Variants in ZNF285 observed in about 807,000 individuals in gnomAD.
The protein encoded by ZNF285 is zinc finger protein 285, also known as zinc finger protein 285A.
A neutral mutation model predicts 6.2 loss-of-function variants in ZNF285; 4 were observed. The observed-to-expected ratio is 0.65, with a 90% CI of 0.32 to 1.49. The LOEUF is 1.49. Among genes scored for constraint, ZNF285 ranks in the 40% most tolerant of loss-of-function variants. The pLI, the probability that ZNF285 is intolerant of heterozygous loss-of-function variation, is 0.07. For synonymous variants in ZNF285, 240 were observed against 245.8 expected (o/e 0.98, Z 0.22); for missense variants, 695 against 708.8 (o/e 0.98, Z 0.22).
At position 44,387,981 on chromosome 19, in the gene ZNF285, C is replaced by T. The variant is rs1372487969; in HGVS notation, c.264G>A (p.Gln88=). 1 of 1,614,050 alleles carries T rather than the reference C, an allele frequency of 6.2e-7. No individual in the cohort carries two copies. Among genetic ancestry groups the T allele is most frequent in the African/African-American group, 1.3e-5 (1 of 74,920 alleles). ...CTTCTTGAAGGTTCACGATATAATC[C>T]TGACTCACAGTTAAATCCCGGATCC... is the stretch of plus-strand genomic sequence containing the variant. ...KQRIRDLTVS[Q]DYIVNLQEEC... The change falls in exon 4 of 4, where the codon CAG becomes CAA. Residue 88 remains glutamine, a synonymous_variant. Transcript: ENST00000614994.
At chr19:44,391,168 A>T (rs1174427757) in intron 3 of ZNF285, among the ~76,000 whole-genome samples, 1 of 151,204 alleles carries the variant, frequency 6.6e-6, no homozygotes, top group African/African-American at 2.4e-5. Context: ...AAAAAAAAAA[A>T]GATTTCCCTG....
At chr19:44,401,246 C>T (rs1438779812) in intron 1 of ZNF285, among the ~76,000 whole-genome samples, 1 of 152,168 alleles carries the variant, frequency 6.6e-6, no homozygotes, top group East Asian at 1.9e-4. Flanking sequence ...GATGCACATC[C>T]CAAGACTGAC....
intron 2 of ZNF285, among the ~76,000 whole-genome samples, chr19:44,395,083 C>G (rs1457671476): frequency 6.6e-6 from 1 of 152,182 alleles, no homozygotes; most frequent in Non-Finnish European, 1.5e-5. Flanking sequence ...ACCCTTGTAG[C>G]TGGATGGATC....
At chr19:44,389,021 A>G (rs1167330349) in intron 3 of ZNF285, among the ~76,000 whole-genome samples, 1 of 147,512 alleles carries the variant, frequency 6.8e-6, no homozygotes, top group Admixed American at 6.8e-5. Context: ...CCTCTGAGAC[A>G]AGCTTTAAGA....
intron 3 of ZNF285, chr19:44,392,075 T>C (rs73039963): frequency 0.015 from 13,625 of 910,374 alleles, 184 homozygotes; most frequent in African/African-American, 0.065. Context: ...AATGTGTGAG[T>C]AGGGGAGGGA....
rs1264713077 is a variant in ZNF285, at chr19:44,385,764, A to G, written c.*708T>C. 1 of 152,232 alleles carries G rather than the reference A, an allele frequency of 6.6e-6. No individual in the cohort carries two copies. The highest frequency in any genetic ancestry group is 1.5e-5 in the Non-Finnish European group (1 of 68,048). The allele number at this position is 152,232 out of a possible 1,614,324, so 9.4% of individuals were successfully genotyped here. On this transcript the variant is annotated 3_prime_UTR_variant, in exon 4 of 4. Coordinates refer to ENST00000614994, the MANE Select transcript of ZNF285 (RefSeq NM_152354.6). ...AGCCTCCAAGGTCACCTTGGCAGGG[A>G]TAGAGAAGCCTGAGGATGTTTGTAA...
chr19:44,391,853 A>T (rs1166592521), intron 3 of ZNF285, among the ~76,000 whole-genome samples: 1 of 152,124 alleles, frequency 6.6e-6, no homozygotes, highest in Admixed American at 6.5e-5. Flanking sequence ...ATAAGCCAAC[A>T]CTTAGATTAC....
At position 44,392,441 on chromosome 19, in the gene ZNF285, G is replaced by T; in HGVS notation, c.41C>A (p.Ala14Asp). The T allele has an allele frequency of 6.2e-7, 1 of 1,613,838 alleles. No individual in the cohort carries two copies. Among genetic ancestry groups the T allele is most frequent in the Non-Finnish European group, 8.5e-7 (1 of 1,179,830 alleles). Residue 14 changes from alanine to aspartate, a missense_variant, in exon 3 of 4, where the codon GCT becomes GAT. Physicochemically the swap from Ala to Asp is moderately radical, Grantham distance 126. Transcript: ENST00000614994. ...FQERVTFKDVAVVFTKEELAL... is the reference protein window; with the variant it reads ...FQERVTFKDVDVVFTKEELAL... ...CAGCTCTTCCTTGGTGAAGACAACAGCCACATCCTTGAATGTCACCCTTTC... is the reference window on the plus strand; with the variant it reads ...CAGCTCTTCCTTGGTGAAGACAACATCCACATCCTTGAATGTCACCCTTTC...
rs774827964 is a variant in ZNF285, at chr19:44,387,341, C to G, written c.904G>C (p.Asp302His). ...EWPMGCKQSS[D>H]LPRYQKVSSG... is the part of the protein sequence containing the mutation. The stretch of plus-strand genomic sequence containing the variant: ...GAGACTTTCTGATATCTGGGAAGGT[C>G]TGAGCTCTGTTTGCAGCCCATAGGC... Residue 302 changes from aspartate to histidine, a missense_variant, in exon 4 of 4, where the codon GAC becomes CAC. Coordinates refer to ENST00000614994, the MANE Select transcript of ZNF285 (RefSeq NM_152354.6). 76 of 1,614,052 alleles carry G rather than the reference C, an allele frequency of 4.7e-5. 1 individual carries two copies. The highest frequency in any genetic ancestry group is 1.5e-4 in the Admixed American group (9 of 59,996).
chr19:44,393,643 T>G (rs985326728), intron 2 of ZNF285, among the ~76,000 whole-genome samples: 4 of 152,180 alleles, frequency 2.6e-5, no homozygotes, highest in African/African-American at 4.8e-5. Context: ...AGATCCCATT[T>G]GTCAATTTTG....
Position 44,387,285 on chromosome 19 carries a change from T to G in ZNF285, c.960A>C (p.Glu320Asp). The G allele has an allele frequency of 6.2e-7, 1 of 1,614,158 alleles. No homozygotes were observed. Among genetic ancestry groups the G allele is most frequent in the Non-Finnish European group, 8.5e-7 (1 of 1,180,028 alleles). ...AGCTGCGCCTGAAGCCCTTGCCACA[T>G]TCTTTACATTTGTAGGGTTTGTCTC... ...SSGDKPYKCK[E>D]CGKGFRRSSS... Residue 320 changes from glutamate to aspartate, a missense_variant, in exon 4 of 4, where the codon GAA becomes GAC. Glu to Asp is a conservative substitution (Grantham distance 45, BLOSUM62 2). Transcript: ENST00000614994.
chr19:44,393,923 G>T (rs1157742974), intron 2 of ZNF285, among the ~76,000 whole-genome samples: 1 of 152,036 alleles, frequency 6.6e-6, no homozygotes, highest in Admixed American at 6.5e-5. Flanking sequence ...TATACCCAAA[G>T]GATTATAAAT....
At position 44,387,055 on chromosome 19, in the gene ZNF285, T is replaced by C. The variant is rs779574873; in HGVS notation, c.1190A>G (p.Glu397Gly). ...ACACTCACTGCATTTGTAGGGCTTCTCTCCAGTGTGGACTCTCTGATGGAC... is the reference window on the plus strand; with the variant it reads ...ACACTCACTGCATTTGTAGGGCTTCCCTCCAGTGTGGACTCTCTGATGGAC... ...LLVHQRVHTG[E>G]KPYKCSECGK... Residue 397 changes from glutamate (E) to glycine (G), a missense_variant, in exon 4 of 4, where the codon GAG becomes GGG. Transcript: ENST00000614994. 2 of 1,614,156 alleles carry C rather than the reference T, an allele frequency of 1.2e-6. No individual in the cohort carries two copies. The highest frequency in any genetic ancestry group is 1.7e-6 in the Non-Finnish European group (2 of 1,180,016).
Position 44,397,210 on chromosome 19 carries a change from T to C in ZNF285, c.4A>G (p.Ile2Val), listed in dbSNP as rs1971295604. 1 of 1,613,924 alleles carries C rather than the reference T, an allele frequency of 6.2e-7. No homozygotes were observed. The highest frequency in any genetic ancestry group is 1.3e-5 in the African/African-American group (1 of 74,980). MIKFQERVTFKD... is the reference protein window; with the variant it reads MVKFQERVTFKD... ...AACCCTTAACTTACCTGGAACTTAA[T>C]CATACCGTCTTCCTTTTGGAAAGGG... is the stretch of plus-strand genomic sequence containing the variant. The change falls in exon 2 of 4, where the codon ATT becomes GTT. Residue 2 changes from isoleucine to valine, a missense_variant. Physicochemically the swap from Ile to Val is conservative, Grantham distance 29 (BLOSUM62 3). Coordinates refer to ENST00000614994, the MANE Select transcript of ZNF285 (RefSeq NM_152354.6).
chr19:44,387,261 G>A lies in ZNF285; in HGVS notation c.984C>T (p.Ser328=). The A allele has an allele frequency of 6.2e-7, 1 of 1,614,100 alleles. No homozygotes were observed. Among genetic ancestry groups the A allele is most frequent in the Non-Finnish European group, 8.5e-7 (1 of 1,179,998 alleles). The change falls in exon 4 of 4, where the codon AGC becomes AGT. Residue 328 remains serine, a synonymous_variant. Coordinates refer to ENST00000614994, the MANE Select transcript of ZNF285 (RefSeq NM_152354.6). ...CKECGKGFRR[S]SSLHNHHRVH... ...CTCGATGATGGTTGTGAAGGGAAGA[G>A]CTGCGCCTGAAGCCCTTGCCACATT...
rs1971212448 is a variant in ZNF285, at chr19:44,392,424, C to T, written c.58G>A (p.Glu20Lys). 3 of 1,613,816 alleles carry T rather than the reference C, an allele frequency of 1.9e-6. No individual in the cohort carries two copies. The highest frequency in any genetic ancestry group is 2.5e-6 in the Non-Finnish European group (3 of 1,179,826). The change falls in exon 3 of 4, where the codon GAA becomes AAA. Residue 20 changes from glutamate (E) to lysine (K), a missense_variant. Coordinates refer to ENST00000614994, the MANE Select transcript of ZNF285 (RefSeq NM_152354.6). ...FKDVAVVFTK[E>K]ELALLDKAQI... ...GCTTTATCCAATAGTGCCAGCTCTTCCTTGGTGAAGACAACAGCCACATCC... is the reference window on the plus strand; with the variant it reads ...GCTTTATCCAATAGTGCCAGCTCTTTCTTGGTGAAGACAACAGCCACATCC...
chr19:44,399,452 C>A (rs941615301), intron 1 of ZNF285, among the ~76,000 whole-genome samples: 1 of 144,244 alleles, frequency 6.9e-6, no homozygotes, highest in Non-Finnish European at 1.5e-5. Flanking sequence ...AGGATCTTAT[C>A]ATTTAACAAG....
rs4081937 is a variant in ZNF285 at position 44,383,596 on chromosome 19, T to C, written c.*2876A>G. On this transcript the variant is annotated 3_prime_UTR_variant, in exon 4 of 4. Transcript: ENST00000614994. Reference sequence around the variant, plus strand: ...ACCAGAACTGCCCAGCTAAGCCCAGTTGAACTTGCCAGCTCACACATCATG... The same window carrying C: ...ACCAGAACTGCCCAGCTAAGCCCAGCTGAACTTGCCAGCTCACACATCATG... 6.6e-6 allele frequency: 1 copy of C among 152,092 alleles called. No individual in the cohort carries two copies. Among genetic ancestry groups the C allele is most frequent in the Non-Finnish European group, 1.5e-5 (1 of 67,968 alleles). 9.4% of individuals were successfully genotyped at this position (152,092 alleles called of 1,614,324 possible).
rs551725749 is a variant in ZNF285, at chr19:44,388,767, G to A, written c.143-665C>T. 1.7e-4 allele frequency among the ~76,000 whole-genome samples: 25 copies of A among 144,466 alleles called. No individual in the cohort carries two copies. In the South Asian group the frequency reaches 3.6e-3, roughly 21 times the overall value. The allele number at this position is 144,466 out of a possible 152,430, so 94.8% of individuals were successfully genotyped here. A position where few individuals can be genotyped will look rare whatever the true frequency, so the allele number is the denominator to read the frequency against. ...TTGATGGAGTGTTTTTTATATGTTG[G>A]GCAGAGTAAGGGACACAAAGGGTCA... On this transcript the variant is annotated intron_variant, in intron 3 of 3. Transcript: ENST00000614994.
Sources: allele counts gnomAD v4.1 joint callset (sites outside exome capture counted in the v4.1 genomes callset), GRCh38; gene constraint gnomAD v4.1.1; transcripts MANE v1.5; gene names NCBI Gene and HGNC (gene_info 2026-07-23, HGNC 2026-07-21).